Variants in BRPF1 observed in about 807,000 individuals in gnomAD.
The protein encoded by BRPF1 is peregrin.
BRPF1 carries 15 observed loss-of-function variants against 115.0 expected under a neutral mutation model. The ratio of observed to expected loss-of-function variants is 0.13; its 90% CI spans 0.09 to 0.20. BRPF1 has a LOEUF of 0.20. BRPF1 is among the 10% of genes least tolerant of loss of function. The pLI, the probability that BRPF1 is intolerant of heterozygous loss-of-function variation, is 1.00. For synonymous variants in BRPF1, 647 were observed against 619.8 expected, an observed-to-expected ratio of 1.04 and a Z score of -0.65; for missense variants, 1,118 against 1,638.3, an observed-to-expected ratio of 0.68 and a Z score of 5.48.
In BRPF1 at chr3:9,743,939, C is replaced by A; in HGVS notation, c.2635+38C>A. 1 of 1,533,118 alleles carries A rather than the reference C, an allele frequency of 6.5e-7. No homozygotes were observed. Among genetic ancestry groups the A allele is most frequent in the South Asian group, 1.3e-5 (1 of 79,478 alleles). 95.0% of individuals were successfully genotyped at this position (1,533,118 alleles called of 1,614,324 possible). A position where few individuals can be genotyped will look rare whatever the true frequency, so the allele number is the denominator to read the frequency against. On this transcript the variant is annotated intron_variant, in intron 8 of 13. Coordinates refer to ENST00000383829, the MANE Select transcript of BRPF1 (RefSeq NM_001003694.2). The surrounding 1 kb of genome is among the most constrained non-coding windows in gnomAD (Gnocchi z 6.1). ...TGGCAAGGTGGACCCCAAAGCAAGT[C>A]AGACTTTGGCTCTGCAGCACACACT... is the stretch of plus-strand genomic sequence containing the variant.
In BRPF1 at chr3:9,747,052, TCA is replaced by T; in HGVS notation, c.3480-111_3480-110del. 4 of 1,161,132 alleles carry T rather than the reference TCA, an allele frequency of 3.4e-6. No homozygotes were observed. Among genetic ancestry groups the T allele is most frequent in the Non-Finnish European group, 5.1e-6 (4 of 789,700 alleles). The allele number at this position is 1,161,132 out of a possible 1,614,324, so 71.9% of individuals were successfully genotyped here. On this transcript the variant is annotated intron_variant, in intron 13 of 13. Transcript: ENST00000383829. This position sits in a 1 kb window ranked among gnomAD's most constrained non-coding sequence, Gnocchi z 5.6. ...AACAGTCCTTTGAGGGCAGGGACCA[TCA>T]CAGAGTCTGGCCAGAGTGGGTGCTT...
Position 9,743,818 on chromosome 3 carries a change from T to C in BRPF1, c.2552T>C (p.Leu851Pro). The C allele has an allele frequency of 6.2e-7, 1 of 1,610,098 alleles. No homozygotes were observed. The part of the protein sequence containing the change: ...ERHGPSSRGS[L>P]TPHPAACDKD... Reference sequence around the variant, plus strand: ...CATGGCCCCTCGAGCCGGGGTAGTCTGACACCCCACCCGGCAGCCTGTGAC... The same window carrying C: ...CATGGCCCCTCGAGCCGGGGTAGTCCGACACCCCACCCGGCAGCCTGTGAC... Residue 851 changes from leucine (L) to proline (P), a missense_variant, in exon 8 of 14, where the codon CTG (leucine) becomes CCG (proline). Coordinates refer to ENST00000383829, the MANE Select transcript of BRPF1 (RefSeq NM_001003694.2). The surrounding 1 kb of genome is among the most constrained non-coding windows in gnomAD (Gnocchi z 6.1).
chr3:9,740,046 C>A (rs1175688680), intron 3 of BRPF1, 88 bp downstream of exon 3: 1 of 1,448,170 alleles, frequency 6.9e-7, no homozygotes, highest in Non-Finnish European at 9.1e-7. Flanking sequence ...AATGGCAGGG[C>A]TGGGCTATCT....
intron 12 of BRPF1, 79 bp from the exon 13 acceptor site, chr3:9,746,221 A>G: frequency 6.8e-7 from 1 of 1,467,344 alleles, no homozygotes; most frequent in South Asian, 1.4e-5. Context: ...CACTTCAGAC[A>G]TACTCTCTAA....
In BRPF1 at chr3:9,747,087, G is replaced by C; in HGVS notation, c.3480-79G>C. ...TGGCCAGAGTGGGTGCTTGGGTGGT[G>C]TGTTTGAGTGAATAGAGGAGGAAGG... On this transcript the variant is annotated intron_variant, in intron 13 of 13. Transcript: ENST00000383829. The surrounding 1 kb of genome is among the most constrained non-coding windows in gnomAD (Gnocchi z 5.6). 5 of 1,513,088 alleles carry C rather than the reference G, an allele frequency of 3.3e-6. No homozygotes were observed. Among genetic ancestry groups the C allele is most frequent in the Non-Finnish European group, 4.5e-6 (5 of 1,100,506 alleles). 93.7% of individuals were successfully genotyped at this position (1,513,088 alleles called of 1,614,324 possible).
intron 2 of BRPF1, among the ~76,000 whole-genome samples, chr3:9,737,168 T>G (rs933669201): frequency 6.6e-6 from 1 of 152,158 alleles, no homozygotes; most frequent in African/African-American, 2.4e-5. Flanking sequence ...CCTACAATGT[T>G]TCAGTCTCTC....
At position 9,745,981 on chromosome 3, in the gene BRPF1, T is replaced by TCACAGTTAGCAGACTTTTCCTA. The variant is rs768268133; in HGVS notation, c.3324+53_3324+74dup. ...TGCTTTCCAATCCCAGAATACAGAT[T>TCACAGTTAGCAGACTTTTCCTA]CACAGTTAGCAGACTTTTCCTACTC... On this transcript the variant is annotated intron_variant, in intron 12 of 13. Transcript: ENST00000383829. This position sits in a 1 kb window ranked among gnomAD's most constrained non-coding sequence, Gnocchi z 5.1. The TCACAGTTAGCAGACTTTTCCTA allele has an allele frequency of 6.4e-7, 1 of 1,564,134 alleles. No individual in the cohort carries two copies. The highest frequency in any genetic ancestry group is 8.7e-7 in the Non-Finnish European group (1 of 1,147,444).
At chr3:9,737,612 A>C (rs2076963814) in intron 2 of BRPF1, among the ~76,000 whole-genome samples, 1 of 152,222 alleles carries the variant, frequency 6.6e-6, no homozygotes, top group Admixed American at 6.5e-5. Flanking sequence ...GAAACGAGCT[A>C]ATGTTTTTCT....
Position 9,734,175 on chromosome 3 carries a change from A to T in BRPF1, c.35A>T (p.His12Leu), listed in dbSNP as rs537812311. 4 of 1,611,974 alleles carry T rather than the reference A, an allele frequency of 2.5e-6. No homozygotes were observed. In the African/African-American group the frequency reaches 5.3e-5, roughly 22 times the overall value. ...GVDFDVKTFC[H>L]NLRATKPPYE... ...GACTTTGATGTGAAGACTTTCTGCC[A>T]CAACTTGCGGGCGACTAAGCCACCA... is the stretch of plus-strand genomic sequence containing the variant. The change falls in exon 2 of 14, where the codon CAC (histidine) becomes CTC (leucine). Residue 12 changes from histidine (H) to leucine (L), a missense_variant. Transcript: ENST00000383829. The surrounding 1 kb of genome is among the most constrained non-coding windows in gnomAD (Gnocchi z 5.7).
At position 9,743,652 on chromosome 3, in the gene BRPF1, C is replaced by T. The variant is rs746015047; in HGVS notation, c.2386C>T (p.Leu796=). The part of the protein sequence containing the change: ...LPVEEQLKLL[L]ERLDEVNASK... ...AGTGGAAGAACAGCTAAAGCTGCTT[C>T]TGGAGCGGCTGGACGAAGTGAATGC... is the stretch of plus-strand genomic sequence containing the variant. The change falls in exon 8 of 14, where the codon CTG becomes TTG. Residue 796 remains leucine, a synonymous_variant. Transcript: ENST00000383829. The surrounding 1 kb of genome is among the most constrained non-coding windows in gnomAD (Gnocchi z 6.1). 1.2e-6 allele frequency: 2 copies of T among 1,614,098 alleles called. No homozygotes were observed. The highest frequency in any genetic ancestry group is 4.5e-5 in the East Asian group (2 of 44,882).
In BRPF1 at chr3:9,743,971, C is replaced by T. The variant is rs556141322; in HGVS notation, c.2635+70C>T. ...TGGCTCTGCAGCACACACTCAACCC[C>T]TGCCATTCCCCAGGCAGAGGTCCCT... On this transcript the variant is annotated intron_variant, in intron 8 of 13. Coordinates refer to ENST00000383829, the MANE Select transcript of BRPF1 (RefSeq NM_001003694.2). The surrounding 1 kb of genome is among the most constrained non-coding windows in gnomAD (Gnocchi z 6.1). 8 of 1,481,544 alleles carry T rather than the reference C, an allele frequency of 5.4e-6. No homozygotes were observed. The South Asian group carries it at 1.1e-4, about 20-fold the overall frequency. 91.8% of individuals were successfully genotyped at this position (1,481,544 alleles called of 1,614,324 possible).
intron 2 of BRPF1, among the ~76,000 whole-genome samples, chr3:9,737,602 G>A (rs1452365476): frequency 6.6e-6 from 1 of 152,250 alleles, no homozygotes; most frequent in Non-Finnish European, 1.5e-5. Context: ...CATAAGAGGA[G>A]AAACGAGCTA....
chr3:9,742,435 C>T (rs770178196), intron 6 of BRPF1: 46 of 985,338 alleles, frequency 4.7e-5, no homozygotes, highest in East Asian at 1.1e-4. Flanking sequence ...GGCAGGAAGA[C>T]ACTTTCGGGG....
At position 9,734,358 on chromosome 3, in the gene BRPF1, A is replaced by G. The variant is rs1447732161; in HGVS notation, c.218A>G (p.Lys73Arg). 3.1e-6 allele frequency: 5 copies of G among 1,614,080 alleles called. No homozygotes were observed. Among genetic ancestry groups the G allele is most frequent in the Non-Finnish European group, 4.2e-6 (5 of 1,180,010 alleles). ...KKGRQSRPAN[K>R]QSPSPSEVSQ... is the part of the protein sequence containing the mutation. ...GGGCGCCAGTCACGCCCAGCCAACA[A>G]GCAGTCACCCAGCCCCTCAGAGGTC... is the stretch of plus-strand genomic sequence containing the variant. The change falls in exon 2 of 14, where the codon AAG becomes AGG. Residue 73 changes from lysine (K) to arginine (R), a missense_variant. This residue lies in a region of BRPF1 where 280 missense variants were observed against 382.8 expected (regional missense o/e 0.73). Transcript: ENST00000383829. This position sits in a 1 kb window ranked among gnomAD's most constrained non-coding sequence, Gnocchi z 5.7.
At chr3:9,735,735 G>A (rs2076929302) in intron 2 of BRPF1, among the ~76,000 whole-genome samples, 1 of 152,144 alleles carries the variant, frequency 6.6e-6, no homozygotes, top group African/African-American at 2.4e-5. Flanking sequence ...TTAACATGAG[G>A]TAAAAGATGA....
Position 9,743,199 on chromosome 3 carries a change from A to G in BRPF1, c.2257A>G (p.Met753Val). ...AATGGGCATTGACTTTGAGACGGGC[A>G]TGCATATCCCCCACAGCCTGGCTGG... is the stretch of plus-strand genomic sequence containing the variant. ...EKMGIDFETG[M>V]HIPHSLAGDE... is the part of the protein sequence containing the mutation. Residue 753 changes from methionine to valine, a missense_variant, in exon 7 of 14, where the codon ATG becomes GTG. Physicochemically the swap from Met to Val is conservative, Grantham distance 21. Around this residue, in one of 10 missense-constraint regions of BRPF1, gnomAD observed 223 missense variants for 240.7 expected, o/e 0.93. Coordinates refer to ENST00000383829, the MANE Select transcript of BRPF1 (RefSeq NM_001003694.2). This position sits in a 1 kb window ranked among gnomAD's most constrained non-coding sequence, Gnocchi z 6.1. The G allele has an allele frequency of 6.2e-7, 1 of 1,614,240 alleles. No homozygotes were observed. The highest frequency in any genetic ancestry group is 8.5e-7 in the Non-Finnish European group (1 of 1,180,046).
chr3:9,742,074 T>C lies in BRPF1; in HGVS notation c.1904T>C (p.Ile635Thr), dbSNP rs1260588934. ...GAGATGCAGCTGACTCCTTTCCTCA[T>C]CCTCCTTCGCAAAACCTTGGAGCAG... ...AMEMQLTPFLILLRKTLEQLQ... is the reference protein window; with the variant it reads ...AMEMQLTPFLTLLRKTLEQLQ... Residue 635 changes from isoleucine (I) to threonine (T), a missense_variant, in exon 6 of 14, where the codon ATC becomes ACC. Ile to Thr is a moderately conservative substitution (Grantham distance 89). Transcript: ENST00000383829. 1 of 1,614,154 alleles carries C rather than the reference T, an allele frequency of 6.2e-7. No homozygotes were observed. The highest frequency in any genetic ancestry group is 1.7e-5 in the Admixed American group (1 of 60,022).
Position 9,739,058 on chromosome 3 carries a change from A to C in BRPF1, c.659A>C (p.Glu220Ala), listed in dbSNP as rs1408456569. The change falls in exon 3 of 14, where the codon GAG (glutamate) becomes GCG (alanine). Residue 220 changes from glutamate to alanine, a missense_variant. Around this residue, in one of 10 missense-constraint regions of BRPF1, gnomAD observed 280 missense variants for 382.8 expected, o/e 0.73. Coordinates refer to ENST00000383829, the MANE Select transcript of BRPF1 (RefSeq NM_001003694.2). ...GAAGTAGAGTATGACATGGACGAGG[A>C]GGACTACATCTGGCTGGATATCATG... ...DEEVEYDMDE[E>A]DYIWLDIMNE... 1 of 1,610,672 alleles carries C rather than the reference A, an allele frequency of 6.2e-7. No individual in the cohort carries two copies. The highest frequency in any genetic ancestry group is 8.5e-7 in the Non-Finnish European group (1 of 1,177,738).
At position 9,740,793 on chromosome 3, in the gene BRPF1, C is replaced by A. The variant is rs1258770369; in HGVS notation, c.1574C>A (p.Thr525Asn). ...CIPPHRLSKI[T>N]NRLTIQRKSQ... ...CTGCCTCCCAGGCTTAGTAAAATCA[C>A]CAACCGCCTGACCATCCAAAGGAAG... The change falls in exon 4 of 14, where the codon ACC (threonine) becomes AAC (asparagine). Residue 525 changes from threonine to asparagine, a missense_variant. Transcript: ENST00000383829. 1.9e-6 allele frequency: 3 copies of A among 1,613,938 alleles called. No individual in the cohort carries two copies. The highest frequency in any genetic ancestry group is 2.5e-6 in the Non-Finnish European group (3 of 1,179,950).
Sources: allele counts gnomAD v4.1 joint callset (sites outside exome capture counted in the v4.1 genomes callset), GRCh38; gene constraint gnomAD v4.1.1; regional missense constraint gnomAD v4.1.1; non-coding constraint Gnocchi (gnomAD v3.1); transcripts MANE v1.5; gene names NCBI Gene and HGNC (gene_info 2026-07-23, HGNC 2026-07-21).